The following MTPAP variants were observed in gnomAD, a reference collection of about 807,000 sequenced individuals.
MTPAP encodes poly(A) RNA polymerase, mitochondrial.
MTPAP carries 23 observed loss-of-function variants against 48.7 expected under a neutral mutation model. That is an observed-to-expected ratio of 0.47 (90% CI 0.34 to 0.67). The LOEUF is 0.67. MTPAP is among the 30% of genes least tolerant of loss of function. The probability of loss-of-function intolerance (pLI) is 0.01; values close to 1 mark genes in which losing one functional copy is unlikely to be tolerated. For missense variants in MTPAP, 614 were observed against 694.3 expected (o/e 0.88, Z 1.30); for synonymous variants, 257 against 254.1 (o/e 1.01, Z -0.11).
At chr10:30,322,325 A>C in intron 6 of MTPAP, 66 bp downstream of exon 6, 1 of 1,292,996 alleles carries the variant, frequency 7.7e-7, no homozygotes, top group Non-Finnish European at 1.1e-6. Context: ...CTTTGGTAAC[A>C]CATGGTAATT....
At chr10:30,316,318 A>G (rs939199605) in intron 6 of MTPAP, 108 bp from the exon 7 acceptor site, 21 of 846,538 alleles carry the variant, frequency 2.5e-5, no homozygotes, top group Admixed American at 1.0e-4. Flanking sequence ...TCTCAGCTCA[A>G]TGCAGCCTCC....
In MTPAP at chr10:30,311,139, A is replaced by G. The variant is rs995212924; in HGVS notation, c.*2470T>C. ...AACAGAAAAAAAAATTTCATTTAGA[A>G]ACCCTTAAGTGGTTTATGCTTTTTA... On this transcript the variant is annotated 3_prime_UTR_variant, in exon 9 of 9. Transcript: ENST00000263063. 1 of 152,220 alleles carries G rather than the reference A, an allele frequency of 6.6e-6. No homozygotes were observed. The highest frequency in any genetic ancestry group is 2.4e-5 in the African/African-American group (1 of 41,460). 9.4% of individuals were successfully genotyped at this position (152,220 alleles called of 1,614,324 possible). A position where few individuals can be genotyped will look rare whatever the true frequency, so the allele number is the denominator to read the frequency against.
At position 30,349,196 on chromosome 10, in the gene MTPAP, A is replaced by C; in HGVS notation, c.80T>G (p.Val27Gly). ...RRRTRVQRPI[V>G]RLLSCPGTVA... ...AGTTCCTGGGCAACTCAAAAGCCTG[A>C]CGATAGGCCGCTGGACTCGAGTTCT... is the stretch of plus-strand genomic sequence containing the variant. The change falls in exon 1 of 9, where the codon GTC becomes GGC. Residue 27 changes from valine to glycine, a missense_variant. Val to Gly is a moderately radical substitution (Grantham distance 109). Around this residue, in one of 5 missense-constraint regions of MTPAP, gnomAD observed 125 missense variants for 111.5 expected, o/e 1.12. Transcript: ENST00000263063. 6.2e-7 allele frequency: 1 copy of C among 1,610,192 alleles called. No individual in the cohort carries two copies. Among genetic ancestry groups the C allele is most frequent in the African/African-American group, 1.3e-5 (1 of 74,440 alleles).
At chr10:30,328,256 GA>G (rs1288449882) in intron 4 of MTPAP, among the ~76,000 whole-genome samples, 12 of 152,286 alleles carry the variant, frequency 7.9e-5, no homozygotes, top group Non-Finnish European at 1.6e-4. Context: ...AATTAAAACA[GA>G]AATGAGATTT....
intron 3 of MTPAP, among the ~76,000 whole-genome samples, chr10:30,339,775 C>T (rs887925119): frequency 2.6e-5 from 4 of 152,046 alleles, no homozygotes; most frequent in South Asian, 2.1e-4. Flanking sequence ...AATATTAGCA[C>T]GACAAATGTA....
intron 8 of MTPAP, among the ~76,000 whole-genome samples, chr10:30,315,374 G>T (rs1252501079): frequency 1.3e-5 from 2 of 152,006 alleles, no homozygotes; most frequent in Admixed American, 6.6e-5. Context: ...CCCAAACAGA[G>T]GGCTATCCCA....
At chr10:30,334,481 C>T (rs892698337) in intron 4 of MTPAP, among the ~76,000 whole-genome samples, 2 of 151,742 alleles carry the variant, frequency 1.3e-5, no homozygotes, top group African/African-American at 4.8e-5. Flanking sequence ...GCCAAAATGG[C>T]GAAATCCCAT....
At chr10:30,320,583 T>A (rs535153736) in intron 6 of MTPAP, among the ~76,000 whole-genome samples, 1 of 152,072 alleles carries the variant, frequency 6.6e-6, no homozygotes, top group East Asian at 1.9e-4. Flanking sequence ...AAAAAGATAA[T>A]AGAAAGTTAC....
chr10:30,319,744 T>A (rs902911683), intron 6 of MTPAP, among the ~76,000 whole-genome samples: 1 of 152,234 alleles, frequency 6.6e-6, no homozygotes, highest in Non-Finnish European at 1.5e-5. Context: ...AGGCAAAAAG[T>A]GTATTTTGCT....
chr10:30,332,847 C>G (rs1051224962), intron 4 of MTPAP, among the ~76,000 whole-genome samples: 1 of 151,596 alleles, frequency 6.6e-6, no homozygotes, highest in African/African-American at 2.4e-5. Flanking sequence ...AATGGCCGGG[C>G]GCAGTGGCTC....
At chr10:30,348,867 T>C (rs929307215) in intron 1 of MTPAP, 1 of 545,584 alleles carries the variant, frequency 1.8e-6, no homozygotes, top group Admixed American at 3.3e-5. Flanking sequence ...CTGAATTTCA[T>C]GGAAGTCTAA....
chr10:30,310,184 C>T lies in MTPAP; in HGVS notation c.*3425G>A, dbSNP rs184053230. 4.4e-4 allele frequency: 67 copies of T among 152,162 alleles called. No individual in the cohort carries two copies. Among genetic ancestry groups the T allele is most frequent in the African/African-American group, 1.6e-3 (66 of 41,510 alleles). The allele number at this position is 152,162 out of a possible 1,614,324, so 9.4% of individuals were successfully genotyped here. A position where few individuals can be genotyped will look rare whatever the true frequency, so the allele number is the denominator to read the frequency against. Reference sequence around the variant, plus strand: ...AAATAATTGCTAGTTATCACTATCACGTAATAAAAATATTTTAAAAATCTG... The same window carrying T: ...AAATAATTGCTAGTTATCACTATCATGTAATAAAAATATTTTAAAAATCTG... On this transcript the variant is annotated 3_prime_UTR_variant, in exon 9 of 9. Coordinates refer to ENST00000263063, the MANE Select transcript of MTPAP (RefSeq NM_018109.4).
At chr10:30,323,227 C>T (rs147604627) in intron 5 of MTPAP, among the ~76,000 whole-genome samples, 12 of 148,290 alleles carry the variant, frequency 8.1e-5, no homozygotes, top group Admixed American at 4.1e-4. Context: ...CTGAGGCGGG[C>T]GGATCACCTG....
intron 8 of MTPAP, among the ~76,000 whole-genome samples, chr10:30,314,596 A>G (rs1391169683): frequency 2.0e-5 from 3 of 152,172 alleles, no homozygotes; most frequent in Non-Finnish European, 4.4e-5. Flanking sequence ...AGTATCTCAC[A>G]GAAATAAAAA....
chr10:30,342,773 CAACTATCATG>C (rs1834827239), intron 1 of MTPAP, among the ~76,000 whole-genome samples: 1 of 152,050 alleles, frequency 6.6e-6, no homozygotes, highest in South Asian at 2.1e-4. Context: ...AGTGAGTTAC[CAACTATCATG>C]CGCTCTGTAT....
chr10:30,332,357 A>T (rs548019241), intron 4 of MTPAP, among the ~76,000 whole-genome samples: 2 of 152,286 alleles, frequency 1.3e-5, no homozygotes, highest in South Asian at 4.2e-4. Context: ...AGGTGGCGTG[A>T]TCTCGGCTCA....
chr10:30,344,876 A>G (rs961315290), intron 1 of MTPAP, among the ~76,000 whole-genome samples: 1 of 151,954 alleles, frequency 6.6e-6, no homozygotes, highest in Non-Finnish European at 1.5e-5. Context: ...GCTAATTTTT[A>G]TATTTTTAGT....
At chr10:30,342,098 T>C (rs1054913451) in intron 1 of MTPAP, among the ~76,000 whole-genome samples, 2 of 152,070 alleles carry the variant, frequency 1.3e-5, no homozygotes, top group African/African-American at 4.8e-5. Flanking sequence ...TAGCCAGGCA[T>C]GGTGGCGCGC....
At position 30,322,399 on chromosome 10, in the gene MTPAP, G is replaced by A. The variant is rs1840735513; in HGVS notation, c.1211C>T (p.Thr404Ile). 6.2e-7 allele frequency: 1 copy of A among 1,602,378 alleles called. No individual in the cohort carries two copies. Among genetic ancestry groups the A allele is most frequent in the Non-Finnish European group, 8.6e-7 (1 of 1,169,528 alleles). The change falls in exon 6 of 9, where the codon ACC becomes ATC. Residue 404 changes from threonine (T) to isoleucine (I), a missense_variant. Thr to Ile is a moderately conservative substitution (Grantham distance 89). Transcript: ENST00000263063. ...PILPTLDSLK[T>I]LADAEDKCVI... ...TTTCTTTCTAGTCTTACCTGCTAGG[G>A]TTTTTAAGGAATCTAGTGTTGGAAG...
Sources: allele counts gnomAD v4.1 joint callset (sites outside exome capture counted in the v4.1 genomes callset), GRCh38; gene constraint gnomAD v4.1.1; regional missense constraint gnomAD v4.1.1; transcripts MANE v1.5; gene names NCBI Gene and HGNC (gene_info 2026-07-23, HGNC 2026-07-21).